Variants in GRK4 observed in about 807,000 individuals in gnomAD.
GRK4 encodes the protein G protein-coupled receptor kinase 2-like.
Under a neutral mutation model 77.9 loss-of-function variants are expected in GRK4, and 73 were observed. The observed-to-expected ratio is 0.94, with a 90% CI of 0.78 to 1.14. GRK4 has a LOEUF of 1.14. Among genes scored for constraint, GRK4 ranks in the 50% most tolerant of loss-of-function variants. The pLI is 0.00. For missense variants in GRK4, 729 were observed against 700.2 expected, an observed-to-expected ratio of 1.04 and a Z score of -0.46; for synonymous variants, 257 against 254.4, an observed-to-expected ratio of 1.01 and a Z score of -0.10.
rs913428068 is a variant in GRK4, at chr4:3,029,340, A to C, written c.1200A>C (p.Gln400His). The C allele has an allele frequency of 6.8e-6, 11 of 1,614,082 alleles. No individual in the cohort carries two copies. The highest frequency in any genetic ancestry group is 9.3e-6 in the Non-Finnish European group (11 of 1,180,038). Residue 400 changes from glutamine to histidine, a missense_variant, in exon 12 of 16, where the codon CAA becomes CAC. Gln to His is a conservative substitution (Grantham distance 24). Transcript: ENST00000398052. The part of the protein sequence containing the change: ...KEKVKWEEVD[Q>H]RIKNDTEEYS... ...AAGTCAAATGGGAGGAGGTCGATCA[A>C]AGAATCAAGAATGATACCGAGGAGT...
rs557433010 is a variant in GRK4, at chr4:3,033,876, C to T, written c.1270-1510C>T. Among the ~76,000 whole-genome samples the T allele has an allele frequency of 9.2e-5, 14 of 152,286 alleles. 1 individual carries two copies. Among genetic ancestry groups the T allele is most frequent in the Admixed American group, 9.2e-4 (14 of 15,294 alleles). On this transcript the variant is annotated intron_variant, in intron 12 of 15. Coordinates refer to ENST00000398052, the MANE Select transcript of GRK4 (RefSeq NM_182982.3). ...CTGGGATTACGGGCATGAGCCACTG[C>T]GCCCGGTCTTCACATCCGTTTTAAA... is the stretch of plus-strand genomic sequence containing the variant.
intron 3 of GRK4, among the ~76,000 whole-genome samples, chr4:2,990,228 A>ATTC (rs1413330936): frequency 1.2e-4 from 14 of 114,982 alleles, no homozygotes; most frequent in East Asian, 5.4e-4. Context: ...GAATAAGGTG[A>ATTC]TTCTTCTTCT....
rs1732324071 is a variant in GRK4 at position 3,009,668 on chromosome 4, C to T, written c.557C>T (p.Thr186Ile). 3 of 1,613,680 alleles carry T rather than the reference C, an allele frequency of 1.9e-6. No homozygotes were observed. In the Admixed American group the frequency reaches 5.0e-5, roughly 27 times the overall value. ...WLERQPVTKN[T>I]FRHYRVLGKG... is the part of the protein sequence containing the mutation. ...ATTAGGCAACCCGTAACAAAGAACA[C>T]ATTTAGACATTACAGAGTTCTAGGA... Residue 186 changes from threonine (T) to isoleucine (I), a missense_variant, in exon 7 of 16, where the codon ACA (threonine) becomes ATA (isoleucine). Physicochemically the swap from Thr to Ile is moderately conservative, Grantham distance 89. Transcript: ENST00000398052.
chr4:3,013,768 A>C lies in GRK4; in HGVS notation c.681A>C (p.Lys227Asn). 1 of 1,613,630 alleles carries C rather than the reference A, an allele frequency of 6.2e-7. No homozygotes were observed. The highest frequency in any genetic ancestry group is 2.2e-5 in the East Asian group (1 of 44,890). Residue 227 changes from lysine (K) to asparagine (N), a missense_variant, in exon 8 of 16, where the codon AAA (lysine) becomes AAC (asparagine). Coordinates refer to ENST00000398052, the MANE Select transcript of GRK4 (RefSeq NM_182982.3). ...AAAAAAAAAGAATAAAGAAGAGGAA[A>C]GGTGAAGCTATGGCTCTAAATGAGA... is the stretch of plus-strand genomic sequence containing the variant. ...KLQKKRIKKR[K>N]GEAMALNEKR... is the part of the protein sequence containing the mutation.
intron 8 of GRK4, among the ~76,000 whole-genome samples, chr4:3,017,409 G>A (rs569218233): frequency 6.6e-6 from 1 of 152,294 alleles, no homozygotes; most frequent in African/African-American, 2.4e-5. Flanking sequence ...TATTAGGACA[G>A]AGCTCCTCAG....
intron 8 of GRK4, 76 bp downstream of exon 8, chr4:3,013,904 T>G (rs1733660452): frequency 2.1e-6 from 3 of 1,437,394 alleles, no homozygotes; most frequent in Non-Finnish European, 2.8e-6. Flanking sequence ...GCCGCTCAGC[T>G]CACGCTCACT....
intron 1 of GRK4, among the ~76,000 whole-genome samples, chr4:2,972,512 T>G (rs946046688): frequency 6.6e-6 from 1 of 151,938 alleles, no homozygotes; most frequent in East Asian, 1.9e-4. Context: ...CCAGCACGTG[T>G]GCCCCAAACC....
intron 9 of GRK4, 119 bp downstream of exon 9, chr4:3,019,950 C>G: frequency 1.1e-6 from 1 of 916,878 alleles, no homozygotes. Context: ...CTGGGAGGCC[C>G]TCGATGGTGA....
chr4:3,027,402 G>A (rs184871053), intron 10 of GRK4, among the ~76,000 whole-genome samples: 50 of 152,132 alleles, frequency 3.3e-4, no homozygotes, highest in Admixed American at 1.9e-3. Context: ...TATATTCAAC[G>A]CATTAACACA....
intron 1 of GRK4, among the ~76,000 whole-genome samples, chr4:2,970,442 G>A (rs758862060): frequency 2.6e-5 from 4 of 151,926 alleles, no homozygotes; most frequent in Admixed American, 1.3e-4. Flanking sequence ...GGCGGATCAC[G>A]AGGTCCAGGT....
intron 2 of GRK4, among the ~76,000 whole-genome samples, chr4:2,987,520 T>G (rs942598472): frequency 2.0e-5 from 3 of 152,250 alleles, no homozygotes; most frequent in African/African-American, 7.2e-5. Context: ...TTTGCTTATC[T>G]GTTCATCTGT....
Position 3,009,160 on chromosome 4 carries a change from C to T in GRK4, c.537-488C>T, listed in dbSNP as rs187886770. Among the ~76,000 whole-genome samples, 147 of 152,048 alleles carry T rather than the reference C, an allele frequency of 9.7e-4. 1 individual carries two copies. Among genetic ancestry groups the T allele is most frequent in the African/African-American group, 3.3e-3 (137 of 41,512 alleles). On this transcript the variant is annotated intron_variant, in intron 6 of 15. Transcript: ENST00000398052. The stretch of plus-strand genomic sequence containing the variant: ...GATTAATTGGCCGGGTGGTGGCTCA[C>T]GCCTATAATCCCAGCACTTTGGGAG...
In GRK4 at chr4:3,007,828, G is replaced by A. The variant is rs758360135; in HGVS notation, c.536G>A (p.Arg179Lys). ...TTTTTACAATGGAAATGGCTGGAAA[G>A]GTATGTACTGATTTTAAACTTGATA... The part of the protein sequence containing the change: ...SQFLQWKWLE[R>K]QPVTKNTFRH... Residue 179 changes from arginine (R) to lysine (K), a missense_variant and splice_region_variant, in exon 6 of 16, where the codon AGG becomes AAG. Physicochemically the swap from Arg to Lys is conservative, Grantham distance 26. Transcript: ENST00000398052. 2 of 1,601,184 alleles carry A rather than the reference G, an allele frequency of 1.2e-6. No homozygotes were observed. The highest frequency in any genetic ancestry group is 1.3e-5 in the African/African-American group (1 of 74,608).
Position 3,004,269 on chromosome 4 carries a change from G to A in GRK4, c.378G>A (p.Val126=), listed in dbSNP as rs1730665828. 1.2e-6 allele frequency: 2 copies of A among 1,613,872 alleles called. No individual in the cohort carries two copies. Among genetic ancestry groups the A allele is most frequent in the Non-Finnish European group, 1.7e-6 (2 of 1,179,772 alleles). The stretch of plus-strand genomic sequence containing the variant: ...TACCAGAAATACCTCCAGATGTTGT[G>A]ACAGAATGTAGATTGGGACTGAAGG... ...APLPEIPPDV[V]TECRLGLKEE... The change falls in exon 5 of 16, where the codon GTG becomes GTA. Residue 126 remains valine (V), a synonymous_variant. Coordinates refer to ENST00000398052, the MANE Select transcript of GRK4 (RefSeq NM_182982.3).
intron 1 of GRK4, among the ~76,000 whole-genome samples, chr4:2,972,371 CG>C (rs1174662883): frequency 2.6e-5 from 4 of 152,118 alleles, no homozygotes; most frequent in Non-Finnish European, 5.9e-5. Context: ...ACAGCATAGC[CG>C]GCCCACCTTT....
chr4:3,012,413 C>A (rs1473180381), intron 7 of GRK4, among the ~76,000 whole-genome samples: 1 of 152,004 alleles, frequency 6.6e-6, no homozygotes, highest in Non-Finnish European at 1.5e-5. Context: ...AGAAGGTGGG[C>A]CCAAAATCAA....
At chr4:2,982,576 A>G (rs574942406) in intron 1 of GRK4, among the ~76,000 whole-genome samples, 115 of 152,328 alleles carry the variant, frequency 7.5e-4, no homozygotes, top group African/African-American at 2.6e-3. Flanking sequence ...CTTGTTTTCC[A>G]CTTGTGGAAT....
In GRK4 at chr4:3,019,773, T is replaced by C. The variant is rs748135091; in HGVS notation, c.874T>C (p.Tyr292His). Residue 292 changes from tyrosine to histidine, a missense_variant, in exon 9 of 16, where the codon TAT becomes CAT. Tyr to His is a moderately conservative substitution (Grantham distance 83, BLOSUM62 2). Transcript: ENST00000398052. ...CTTTGATGAGCAGAGAGCCGTTTTCTATGCTGCAGAGCTGTGTTGCGGCTT... is the reference window on the plus strand; with the variant it reads ...CTTTGATGAGCAGAGAGCCGTTTTCCATGCTGCAGAGCTGTGTTGCGGCTT... ...PGFDEQRAVFYAAELCCGLED... is the reference protein window; with the variant it reads ...PGFDEQRAVFHAAELCCGLED... 2 of 1,614,212 alleles carry C rather than the reference T, an allele frequency of 1.2e-6. No individual in the cohort carries two copies. Among genetic ancestry groups the C allele is most frequent in the Non-Finnish European group, 1.7e-6 (2 of 1,180,036 alleles).
intron 15 of GRK4, among the ~76,000 whole-genome samples, chr4:3,039,651 C>T (rs1377485196): frequency 6.9e-6 from 1 of 144,898 alleles, no homozygotes; most frequent in Non-Finnish European, 1.5e-5. Context: ...GGAGCCGAGA[C>T]TGCACCATTG....
Sources: gnomAD v4.1 joint callset for allele counts (sites outside exome capture counted in the v4.1 genomes callset) on GRCh38, gnomAD v4.1.1 for gene constraint, MANE v1.5 for transcripts, NCBI Gene and HGNC (gene_info 2026-07-23, HGNC 2026-07-21) for gene names.